PPARGC1A: variants seen among roughly 807,000 people sequenced by gnomAD.
The protein encoded by PPARGC1A is PPARG coactivator 1 alpha.
A neutral mutation model predicts 88.7 loss-of-function variants in PPARGC1A; 25 were observed. That is an observed-to-expected ratio of 0.28 (90% CI 0.21 to 0.39). The LOEUF (loss-of-function observed/expected upper bound fraction) is 0.39. Among genes scored for constraint, PPARGC1A ranks in the 10% least tolerant of loss-of-function variants. The probability of loss-of-function intolerance (pLI) is 1.00; values close to 1 mark genes in which losing one functional copy is unlikely to be tolerated. For missense variants in PPARGC1A, 880 were observed against 968.7 expected (o/e 0.91, Z 1.22); for synonymous variants, 363 against 355.6 (o/e 1.02, Z -0.24).
chr4:24,103,989 T>A, the PPARGC1A span, among the ~76,000 whole-genome samples: 1 of 152,160 alleles, frequency 6.6e-6, no homozygotes, highest in South Asian at 2.1e-4. Flanking sequence ...TTAAGGCCGA[T>A]GAATAAAAGA....
chr4:24,210,524 T>C, the PPARGC1A span, among the ~76,000 whole-genome samples: 2 of 152,140 alleles, frequency 1.3e-5, no homozygotes, highest in Non-Finnish European at 2.9e-5. Context: ...CAGCATAGTG[T>C]TTTGTTATTT....
intron 2 of PPARGC1A, among the ~76,000 whole-genome samples, chr4:23,868,044 G>A (rs375616999): frequency 6.6e-6 from 1 of 152,252 alleles, no homozygotes; most frequent in Middle Eastern, 3.4e-3. Context: ...CGGGTTCCTT[G>A]AACAGAGACA....
chr4:24,452,120 A>C, the PPARGC1A span, among the ~76,000 whole-genome samples: 1 of 152,212 alleles, frequency 6.6e-6, no homozygotes, highest in Non-Finnish European at 1.5e-5. Context: ...CAGAAGAATT[A>C]CAACTCAAAC....
At chr4:24,128,978 G>C in the PPARGC1A span, among the ~76,000 whole-genome samples, 1 of 152,168 alleles carries the variant, frequency 6.6e-6, no homozygotes, top group South Asian at 2.1e-4. Flanking sequence ...AACTTCACCG[G>C]GAAGAGCAGA....
chr4:24,298,508 G>A, the PPARGC1A span, among the ~76,000 whole-genome samples: 3 of 152,226 alleles, frequency 2.0e-5, 1 homozygote, highest in Middle Eastern at 6.8e-3. Flanking sequence ...CACCATTCTT[G>A]TCATTGATAT....
chr4:23,827,860 G>A (rs566785261), intron 5 of PPARGC1A, among the ~76,000 whole-genome samples: 1 of 152,068 alleles, frequency 6.6e-6, no homozygotes, highest in Non-Finnish European at 1.5e-5. Flanking sequence ...AGGAAGGGGA[G>A]AAAGCAGGAG....
the PPARGC1A span, among the ~76,000 whole-genome samples, chr4:24,120,844 G>A: frequency 6.6e-6 from 1 of 152,200 alleles, no homozygotes; most frequent in East Asian, 1.9e-4. Flanking sequence ...CCTTAATCTT[G>A]GACTTCCCAG....
At chr4:24,433,292 G>A in the PPARGC1A span, among the ~76,000 whole-genome samples, 9 of 152,160 alleles carry the variant, frequency 5.9e-5, no homozygotes, top group East Asian at 3.9e-4. Flanking sequence ...TTTCTCAGGA[G>A]GCTGCTATTG....
chr4:23,811,722 C>T lies in PPARGC1A; in HGVS notation c.2019+1025G>A, dbSNP rs56285944. Among the ~76,000 whole-genome samples the T allele has an allele frequency of 1.1e-3, 161 of 152,024 alleles. 1 individual carries two copies. The highest frequency in any genetic ancestry group is 3.7e-3 in the African/African-American group (152 of 41,464). ...CAGACAGCAAACAAATATAACATAA[C>T]GTGGATCTTTACACAGAAGGGTCAG... On this transcript the variant is annotated intron_variant, in intron 10 of 12. Transcript: ENST00000264867.
chr4:24,008,177 ACTCTGTC>A, the PPARGC1A span, among the ~76,000 whole-genome samples: 1 of 152,084 alleles, frequency 6.6e-6, no homozygotes, highest in African/African-American at 2.4e-5. Flanking sequence ...ACCAGCCTGG[ACTCTGTC>A]CTCTGAACTC....
At chr4:24,065,945 CG>C in the PPARGC1A span, among the ~76,000 whole-genome samples, 1 of 152,158 alleles carries the variant, frequency 6.6e-6, no homozygotes, top group Non-Finnish European at 1.5e-5. Flanking sequence ...TCAGAAGCTC[CG>C]GCAGGCAACT....
the PPARGC1A span, among the ~76,000 whole-genome samples, chr4:24,010,829 A>G: frequency 6.6e-6 from 1 of 152,180 alleles, no homozygotes; most frequent in African/African-American, 2.4e-5. Flanking sequence ...GAAATGCTGT[A>G]AATTGTGATT....
the PPARGC1A span, among the ~76,000 whole-genome samples, chr4:24,259,299 A>G: frequency 6.6e-6 from 1 of 151,936 alleles, no homozygotes; most frequent in Non-Finnish European, 1.5e-5. Flanking sequence ...TGACCCCTTC[A>G]CTCATCCTCA....
chr4:24,129,860 G>GCTGGAAACC, the PPARGC1A span, among the ~76,000 whole-genome samples: 1 of 152,082 alleles, frequency 6.6e-6, no homozygotes, highest in Admixed American at 6.6e-5. Flanking sequence ...CATGGATGAA[G>GCTGGAAACC]CTGGAAACCA....
At chr4:23,884,429 C>T in intron 2 of PPARGC1A, 1 of 360,886 alleles carries the variant, frequency 2.8e-6, no homozygotes, top group Non-Finnish European at 4.9e-6. Flanking sequence ...GGGAAATAGA[C>T]AGGAATAAAC....
At chr4:24,451,563 T>G in the PPARGC1A span, among the ~76,000 whole-genome samples, 1 of 152,040 alleles carries the variant, frequency 6.6e-6, no homozygotes, top group East Asian at 1.9e-4. Context: ...TTTTTTGGGT[T>G]GTCTTTTGTT....
At chr4:24,059,199 A>G in the PPARGC1A span, among the ~76,000 whole-genome samples, 1 of 152,190 alleles carries the variant, frequency 6.6e-6, no homozygotes, top group Non-Finnish European at 1.5e-5. Flanking sequence ...TGATTTACCA[A>G]AAGCAAAATG....
At chr4:24,438,500 T>C in the PPARGC1A span, among the ~76,000 whole-genome samples, 1 of 152,232 alleles carries the variant, frequency 6.6e-6, no homozygotes, top group African/African-American at 2.4e-5. Flanking sequence ...CCAATAATAA[T>C]ATTGCAATAT....
At chr4:24,191,457 T>G in the PPARGC1A span, among the ~76,000 whole-genome samples, 9 of 152,330 alleles carry the variant, frequency 5.9e-5, no homozygotes, top group East Asian at 1.7e-3. Context: ...GCCAATGCTT[T>G]TTCCATTATA....
Sources: allele counts gnomAD v4.1 joint callset (sites outside exome capture counted in the v4.1 genomes callset), GRCh38; gene constraint gnomAD v4.1.1; transcripts MANE v1.5; gene names NCBI Gene and HGNC (gene_info 2026-07-23, HGNC 2026-07-21).